The following SHISA9 variants were observed in gnomAD, a reference collection of about 807,000 sequenced individuals.
The protein encoded by SHISA9 is protein shisa-9.
Under a neutral mutation model 38.0 loss-of-function variants are expected in SHISA9, and 13 were observed. The ratio of observed to expected loss-of-function variants is 0.34; its 90% confidence interval spans 0.22 to 0.54. SHISA9 has a LOEUF of 0.54. Among genes scored for constraint, SHISA9 ranks in the 20% least tolerant of loss-of-function variants. The probability of loss-of-function intolerance (pLI) is 0.91; values close to 1 mark genes in which losing one functional copy is unlikely to be tolerated. For missense variants in SHISA9, 538 were observed against 575.8 expected, an observed-to-expected ratio of 0.93 and a Z score of 0.67; for synonymous variants, 275 against 242.0, an observed-to-expected ratio of 1.14 and a Z score of -1.27.
the SHISA9 span, among the ~76,000 whole-genome samples, chr16:13,380,224 C>G: frequency 6.6e-6 from 1 of 152,080 alleles, no homozygotes; most frequent in South Asian, 2.1e-4. Context: ...AGAAAAAATT[C>G]CGGGTTTGAA....
intron 2 of SHISA9, among the ~76,000 whole-genome samples, chr16:13,038,726 G>T (rs1255248274): frequency 6.6e-6 from 1 of 152,130 alleles, no homozygotes. Flanking sequence ...GTATTTACCA[G>T]TGTGATCGTT....
At chr16:13,479,050 A>G in the SHISA9 span, among the ~76,000 whole-genome samples, 4 of 152,210 alleles carry the variant, frequency 2.6e-5, no homozygotes, top group African/African-American at 9.7e-5. Context: ...GTGAAAATAA[A>G]GGTGTCATCA....
At chr16:12,985,847 A>G (rs1173966516) in intron 2 of SHISA9, among the ~76,000 whole-genome samples, 1 of 152,178 alleles carries the variant, frequency 6.6e-6, no homozygotes, top group East Asian at 1.9e-4. Context: ...CTTTATCTGT[A>G]TATAAAGAGC....
At chr16:13,260,007 C>CTTTTTTTTTTTTTTTTTTTTTTTTTTTT in the SHISA9 span, among the ~76,000 whole-genome samples, 1 of 60,418 alleles carries the variant, frequency 1.7e-5, no homozygotes, top group Non-Finnish European at 2.9e-5. Context: ...TTCTTTCTTT[C>CTTTTTTTTTTTTTTTTTTTTTTTTTTTT]TTTTTTTTTT....
At chr16:13,377,276 C>G in the SHISA9 span, among the ~76,000 whole-genome samples, 1 of 152,192 alleles carries the variant, frequency 6.6e-6, no homozygotes, top group African/African-American at 2.4e-5. Context: ...ATGGGCTGAT[C>G]CCTTTATGGA....
At chr16:13,212,855 A>G (rs1262624999) in intron 3 of SHISA9, among the ~76,000 whole-genome samples, 3 of 152,208 alleles carry the variant, frequency 2.0e-5, no homozygotes, top group Admixed American at 6.5e-5. Flanking sequence ...ATCAAAGTCT[A>G]TCTCTTGTCA....
At chr16:12,971,197 G>A (rs1292016822) in intron 2 of SHISA9, among the ~76,000 whole-genome samples, 2 of 152,186 alleles carry the variant, frequency 1.3e-5, no homozygotes, top group East Asian at 3.9e-4. Context: ...TTTAAAAGGT[G>A]ACACCTGCTG....
At chr16:13,528,267 A>G in the SHISA9 span, among the ~76,000 whole-genome samples, 4 of 152,184 alleles carry the variant, frequency 2.6e-5, no homozygotes, top group Non-Finnish European at 5.9e-5. Context: ...AAGAGGAGAC[A>G]TAACATCATA....
At chr16:13,061,477 C>A (rs143662610) in intron 2 of SHISA9, among the ~76,000 whole-genome samples, 12 of 152,286 alleles carry the variant, frequency 7.9e-5, no homozygotes, top group African/African-American at 2.9e-4. Flanking sequence ...AACATTTGAA[C>A]TTGGCAGGTT....
At chr16:13,461,865 G>A in the SHISA9 span, among the ~76,000 whole-genome samples, 26 of 151,814 alleles carry the variant, frequency 1.7e-4, no homozygotes, top group South Asian at 1.7e-3. Flanking sequence ...CGCCCACCTC[G>A]GCCTCCCAAA....
At chr16:12,984,353 C>G (rs1279970256) in intron 2 of SHISA9, among the ~76,000 whole-genome samples, 4 of 152,200 alleles carry the variant, frequency 2.6e-5, no homozygotes, top group Admixed American at 6.5e-5. Flanking sequence ...TAAATTTCAG[C>G]TGCCTTTTAC....
the SHISA9 span, among the ~76,000 whole-genome samples, chr16:13,509,505 A>G: frequency 6.6e-6 from 1 of 152,226 alleles, no homozygotes; most frequent in Non-Finnish European, 1.5e-5. Flanking sequence ...TGCAAAGATT[A>G]TCTTAGAATA....
chr16:13,298,944 C>G, the SHISA9 span, among the ~76,000 whole-genome samples: 1 of 152,142 alleles, frequency 6.6e-6, no homozygotes, highest in East Asian at 1.9e-4. Context: ...GTGGGAAGCT[C>G]CCTGCATGGG....
At chr16:12,931,596 T>C (rs2071462605) in intron 2 of SHISA9, among the ~76,000 whole-genome samples, 1 of 152,258 alleles carries the variant, frequency 6.6e-6, no homozygotes, top group Non-Finnish European at 1.5e-5. Context: ...GCTGCATCCA[T>C]GTTGCCACAA....
the SHISA9 span, among the ~76,000 whole-genome samples, chr16:13,351,994 CCGA>C: frequency 6.6e-6 from 1 of 152,222 alleles, no homozygotes; most frequent in East Asian, 1.9e-4. Context: ...TGGCTCCTGC[CCGA>C]ATAGAATGGC....
At chr16:13,438,715 C>T in the SHISA9 span, among the ~76,000 whole-genome samples, 9 of 152,108 alleles carry the variant, frequency 5.9e-5, no homozygotes, top group African/African-American at 9.6e-5. Flanking sequence ...ACTATGTAAC[C>T]GCTGGAGAAG....
intron 2 of SHISA9, among the ~76,000 whole-genome samples, chr16:13,187,571 G>C (rs909214857): frequency 6.6e-6 from 1 of 151,982 alleles, no homozygotes; most frequent in Non-Finnish European, 1.5e-5. Context: ...CTGATGTCTA[G>C]TGATCCACCC....
At chr16:13,191,389 C>G (rs951076742) in intron 2 of SHISA9, among the ~76,000 whole-genome samples, 1 of 152,232 alleles carries the variant, frequency 6.6e-6, no homozygotes, top group Non-Finnish European at 1.5e-5. Flanking sequence ...CTAACATCCT[C>G]TTTTCCTCAT....
chr16:12,926,284 T>C (rs980353584), intron 2 of SHISA9, among the ~76,000 whole-genome samples: 1 of 152,206 alleles, frequency 6.6e-6, no homozygotes, highest in Non-Finnish European at 1.5e-5. Flanking sequence ...TTTTTCTATT[T>C]GTTTTCCTTA....
Sources: allele counts gnomAD v4.1 joint callset (sites outside exome capture counted in the v4.1 genomes callset), GRCh38; gene constraint gnomAD v4.1.1; transcripts MANE v1.5; gene names NCBI Gene and HGNC (gene_info 2026-07-23, HGNC 2026-07-21).